TBC1D32: variants seen among roughly 807,000 people sequenced by gnomAD.
The protein encoded by TBC1D32 is protein broad-minded.
In TBC1D32, 151 loss-of-function variants were observed where a neutral mutation model predicts 170.3. The observed-to-expected ratio is 0.89, with a 90% CI of 0.78 to 1.01. The LOEUF is 1.01. TBC1D32 is among the 50% of genes least tolerant of loss of function. The probability of loss-of-function intolerance (pLI) is 0.00; values close to 1 mark genes in which losing one functional copy is unlikely to be tolerated. For missense variants in TBC1D32, 1,464 were observed against 1,457.1 expected (o/e 1.00, Z -0.08); for synonymous variants, 498 against 488.0 (o/e 1.02, Z -0.27).
intron 10 of TBC1D32, among the ~76,000 whole-genome samples, chr6:121,298,095 A>G (rs1185944159): frequency 1.3e-5 from 2 of 152,120 alleles, no homozygotes; most frequent in African/African-American, 4.8e-5. Flanking sequence ...ATCTTGCATC[A>G]TTTTCCCCAA....
At chr6:121,219,674 C>T (rs950509775) in intron 21 of TBC1D32, among the ~76,000 whole-genome samples, 3 of 152,158 alleles carry the variant, frequency 2.0e-5, no homozygotes, top group East Asian at 3.9e-4. Context: ...AAATGACTAA[C>T]GATAAAACTA....
rs182491569 is a variant in TBC1D32, at chr6:121,310,314, A to T, written c.564+465T>A. Among the ~76,000 whole-genome samples, 236 of 152,312 alleles carry T rather than the reference A, an allele frequency of 1.5e-3. 2 individuals are homozygous for T. The highest frequency in any genetic ancestry group is 5.4e-3 in the African/African-American group (223 of 41,576). On this transcript the variant is annotated intron_variant, in intron 4 of 31. Coordinates refer to ENST00000398212, the MANE Select transcript of TBC1D32 (RefSeq NM_152730.6). ...CATGTTAGAACAGCTCAACTTAGCC[A>T]TTCCTCAGTGTATACATATTTCAAA...
intron 1 of TBC1D32, among the ~76,000 whole-genome samples, chr6:121,333,972 C>G (rs1283230551): frequency 6.6e-6 from 1 of 152,150 alleles, no homozygotes; most frequent in African/African-American, 2.4e-5. Flanking sequence ...GAGGCTGAGG[C>G]TGGAGAATCG....
chr6:121,080,565 C>G lies in TBC1D32; in HGVS notation c.*206G>C. On this transcript the variant is annotated 3_prime_UTR_variant, in exon 32 of 32. Coordinates refer to ENST00000398212, the MANE Select transcript of TBC1D32 (RefSeq NM_152730.6). Reference sequence around the variant, plus strand: ...AACTAAAAGTAAGCTAGATCTGATTCTATAATAACCTTACAAAACAACAAA... The same window carrying G: ...AACTAAAAGTAAGCTAGATCTGATTGTATAATAACCTTACAAAACAACAAA... 1 of 584,856 alleles carries G rather than the reference C, an allele frequency of 1.7e-6. No individual in the cohort carries two copies. 36.2% of individuals were successfully genotyped at this position (584,856 alleles called of 1,614,324 possible). A position where few individuals can be genotyped will look rare whatever the true frequency, so the allele number is the denominator to read the frequency against.
At chr6:121,331,391 T>C (rs1344448285) in intron 1 of TBC1D32, among the ~76,000 whole-genome samples, 1 of 128,334 alleles carries the variant, frequency 7.8e-6, no homozygotes, top group Non-Finnish European at 1.7e-5. Context: ...TTTTTTTTTT[T>C]GTATTTTCAG....
At chr6:121,246,999 T>C (rs1279404624) in intron 17 of TBC1D32, among the ~76,000 whole-genome samples, 1 of 151,874 alleles carries the variant, frequency 6.6e-6, no homozygotes, top group Non-Finnish European at 1.5e-5. Flanking sequence ...TGGGAAAAGA[T>C]CACCACCAAG....
At chr6:121,321,820 T>C (rs1276008587) in intron 1 of TBC1D32, 26 bp from the exon 2 acceptor site, 3 of 1,591,084 alleles carry the variant, frequency 1.9e-6, no homozygotes. Flanking sequence ...AGAAAATAAA[T>C]GCGGTAAATA....
chr6:121,153,105 T>C (rs1784412583), intron 24 of TBC1D32, among the ~76,000 whole-genome samples: 1 of 152,144 alleles, frequency 6.6e-6, no homozygotes, highest in South Asian at 2.1e-4. Flanking sequence ...CTTGTTGGCT[T>C]TTTTTTACTG....
chr6:121,285,708 C>A (rs998139966), intron 12 of TBC1D32, among the ~76,000 whole-genome samples: 2 of 152,150 alleles, frequency 1.3e-5, no homozygotes, highest in African/African-American at 4.8e-5. Context: ...GGTCCCTGAC[C>A]CCCGAGTAGC....
intron 30 of TBC1D32, among the ~76,000 whole-genome samples, chr6:121,097,506 C>T (rs150045976): frequency 0.013 from 1,949 of 152,150 alleles, 54 homozygotes; most frequent in African/African-American, 0.045. Context: ...CCATCTCATG[C>T]CAGTTAGAAT....
chr6:121,098,769 G>C (rs1777701515), intron 30 of TBC1D32, among the ~76,000 whole-genome samples: 1 of 151,932 alleles, frequency 6.6e-6, no homozygotes, highest in South Asian at 2.1e-4. Context: ...TACAAACACA[G>C]AGCAAAATCA....
chr6:121,146,691 T>C (rs1355816731), intron 24 of TBC1D32, among the ~76,000 whole-genome samples: 1 of 152,234 alleles, frequency 6.6e-6, no homozygotes, highest in East Asian at 1.9e-4. Context: ...GAAACTATTA[T>C]TACTCCTTTT....
At chr6:121,211,327 T>C (rs984720897) in intron 21 of TBC1D32, among the ~76,000 whole-genome samples, 7 of 152,160 alleles carry the variant, frequency 4.6e-5, no homozygotes, top group African/African-American at 1.7e-4. Context: ...TAAACAGTTG[T>C]ATTTATTCCA....
chr6:121,101,312 G>A (rs1231711145), intron 30 of TBC1D32, among the ~76,000 whole-genome samples: 1 of 152,086 alleles, frequency 6.6e-6, no homozygotes, highest in South Asian at 2.1e-4. Flanking sequence ...CAATATCCCT[G>A]ATGAACATGG....
chr6:121,278,103 T>G (rs1235542643), intron 15 of TBC1D32, among the ~76,000 whole-genome samples: 1 of 152,136 alleles, frequency 6.6e-6, no homozygotes, highest in Non-Finnish European at 1.5e-5. Flanking sequence ...ATTAAATAAA[T>G]TGAATGAATA....
rs140397651 is a variant in TBC1D32 at position 121,193,100 on chromosome 6, G to A, written c.2570+11975C>T. 2.4e-3 allele frequency among the ~76,000 whole-genome samples: 373 copies of A among 152,290 alleles called. 3 individuals are homozygous for A. The highest frequency in any genetic ancestry group is 8.9e-3 in the African/African-American group (369 of 41,572). ...ACACAGAAATCTGGAGAACAGGCAT[G>A]GGAATGGATATTAAGGGTATGGGAA... is the stretch of plus-strand genomic sequence containing the variant. On this transcript the variant is annotated intron_variant, in intron 22 of 31. Transcript: ENST00000398212.
intron 30 of TBC1D32, among the ~76,000 whole-genome samples, chr6:121,100,482 T>C (rs1294202763): frequency 2.0e-5 from 3 of 151,934 alleles, no homozygotes; most frequent in African/African-American, 7.2e-5. Flanking sequence ...TTAGGATACT[T>C]AGCTCTTCTT....
intron 21 of TBC1D32, among the ~76,000 whole-genome samples, chr6:121,206,300 TTA>T (rs1792267238): frequency 1.3e-5 from 2 of 152,176 alleles, no homozygotes. Flanking sequence ...AGAAATTTAT[TTA>T]TAGACAAATA....
intron 26 of TBC1D32, among the ~76,000 whole-genome samples, chr6:121,121,232 G>A (rs1383550982): frequency 1.3e-5 from 2 of 151,962 alleles, no homozygotes; most frequent in South Asian, 2.1e-4. Flanking sequence ...AAACTTTACA[G>A]GTGAGTCGGG....
Sources: allele counts gnomAD v4.1 joint callset (sites outside exome capture counted in the v4.1 genomes callset), GRCh38; gene constraint gnomAD v4.1.1; transcripts MANE v1.5; gene names NCBI Gene and HGNC (gene_info 2026-07-23, HGNC 2026-07-21).